CTTNBP2: variants seen among roughly 807,000 people sequenced by gnomAD.
CTTNBP2 encodes the protein cortactin-binding protein 2.
A neutral mutation model predicts 156.9 loss-of-function variants in CTTNBP2; 108 were observed. The ratio of observed to expected loss-of-function variants is 0.69; its 90% confidence interval spans 0.59 to 0.81. The LOEUF (loss-of-function observed/expected upper bound fraction) is 0.81, where lower values mean the gene tolerates loss of function less well. Ranked by LOEUF, CTTNBP2 falls within the 30% of genes least tolerant of loss-of-function variation. CTTNBP2 has a pLI of 0.00. For missense variants in CTTNBP2, 1,924 were observed against 2,035.4 expected (o/e 0.95, Z 1.05); for synonymous variants, 767 against 751.8 (o/e 1.02, Z -0.33).
At chr7:117,746,323 A>AT (rs374479321) in intron 12 of CTTNBP2, among the ~76,000 whole-genome samples, 2,521 of 152,178 alleles carry the variant, frequency 0.017, 24 homozygotes, top group South Asian at 0.033. Context: ...AAAAAAACAC[A>AT]TTTTTTCCCT....
chr7:117,732,161 T>C (rs1349681905), intron 16 of CTTNBP2, among the ~76,000 whole-genome samples: 1 of 152,138 alleles, frequency 6.6e-6, no homozygotes, highest in Admixed American at 6.5e-5. Context: ...CACCAAAATG[T>C]ACAGAGCTCT....
At chr7:117,795,189 C>G (rs1799251810) in intron 3 of CTTNBP2, among the ~76,000 whole-genome samples, 1 of 151,922 alleles carries the variant, frequency 6.6e-6, no homozygotes, top group African/African-American at 2.4e-5. Context: ...ACGACCGCGC[C>G]CGGCCTACTG....
At chr7:117,781,887 C>T (rs1798455930) in intron 6 of CTTNBP2, among the ~76,000 whole-genome samples, 1 of 152,168 alleles carries the variant, frequency 6.6e-6, no homozygotes, top group African/African-American at 2.4e-5. Context: ...AAGCACAGCT[C>T]AGGAGAAATT....
chr7:117,785,292 C>A (rs576542316), intron 4 of CTTNBP2, among the ~76,000 whole-genome samples: 4 of 152,100 alleles, frequency 2.6e-5, no homozygotes, highest in African/African-American at 7.2e-5. Context: ...TGTGTGAAAT[C>A]GGCTGCATAT....
intron 16 of CTTNBP2, 95 bp downstream of exon 16, chr7:117,734,818 C>T: frequency 1.1e-6 from 1 of 946,800 alleles, no homozygotes; most frequent in Non-Finnish European, 1.5e-6. Flanking sequence ...CTGCCCAAGG[C>T]TGCATAGTTA....
At chr7:117,825,629 TG>T (rs1325940072) in intron 2 of CTTNBP2, among the ~76,000 whole-genome samples, 1 of 152,070 alleles carries the variant, frequency 6.6e-6, no homozygotes, top group Non-Finnish European at 1.5e-5. Flanking sequence ...AAACTGGATT[TG>T]GATATAGAAT....
At chr7:117,786,313 A>T in intron 4 of CTTNBP2, 1 of 330,142 alleles carries the variant, frequency 3.0e-6, no homozygotes, top group Non-Finnish European at 6.1e-6. Context: ...ATATTTATCT[A>T]AACTTTATGA....
intron 20 of CTTNBP2, among the ~76,000 whole-genome samples, chr7:117,720,139 C>T (rs1794699026): frequency 1.3e-5 from 2 of 152,206 alleles, no homozygotes; most frequent in South Asian, 4.2e-4. Context: ...GATCTAGCTG[C>T]GGTCCTGGCA....
chr7:117,717,457 C>T (rs185695652), intron 22 of CTTNBP2, among the ~76,000 whole-genome samples: 30 of 151,680 alleles, frequency 2.0e-4, no homozygotes, highest in African/African-American at 5.3e-4. Context: ...TTAGTACCCC[C>T]GCATCCACAA....
chr7:117,835,434 C>T (rs999376591), intron 2 of CTTNBP2, among the ~76,000 whole-genome samples: 2 of 152,190 alleles, frequency 1.3e-5, no homozygotes, highest in African/African-American at 4.8e-5. Flanking sequence ...ATCACAGCAG[C>T]CAAACTTCAG....
At chr7:117,713,275 C>T (rs970043544) in intron 22 of CTTNBP2, among the ~76,000 whole-genome samples, 1 of 152,172 alleles carries the variant, frequency 6.6e-6, no homozygotes, top group African/African-American at 2.4e-5. Flanking sequence ...TAATCTTTCC[C>T]TTCAGAGTAT....
rs780731601 is a variant in CTTNBP2 at position 117,735,087 on chromosome 7, G to A, written c.3702C>T (p.Ser1234=). 39 of 1,612,860 alleles carry A rather than the reference G, an allele frequency of 2.4e-5. No homozygotes were observed. The highest frequency in any genetic ancestry group is 7.7e-5 in the South Asian group (7 of 90,956). The change falls in exon 16 of 23, where the codon TCC becomes TCT. Residue 1234 remains serine, a synonymous_variant. Coordinates refer to ENST00000160373, the MANE Select transcript of CTTNBP2 (RefSeq NM_033427.3). The part of the protein sequence containing the change: ...PCTFQKGNGL[S]ECYYFHENCF... Reference sequence around the variant, plus strand: ...AGTTCTCATGAAAGTAATAACATTCGGACAGTCCATTTCCTGAAACAAACC... The same window carrying A: ...AGTTCTCATGAAAGTAATAACATTCAGACAGTCCATTTCCTGAAACAAACC...
intron 8 of CTTNBP2, among the ~76,000 whole-genome samples, chr7:117,771,065 G>T (rs1301163210): frequency 6.6e-6 from 1 of 152,170 alleles, no homozygotes; most frequent in Non-Finnish European, 1.5e-5. Context: ...CTGCAATGGG[G>T]ACTGGAGAAT....
intron 2 of CTTNBP2, among the ~76,000 whole-genome samples, chr7:117,854,274 A>G (rs532389979): frequency 6.6e-5 from 10 of 152,238 alleles, no homozygotes; most frequent in Non-Finnish European, 1.3e-4. Context: ...CAAAAAGGGT[A>G]TGTTTTGGTC....
At chr7:117,846,603 TATA>T (rs1437787039) in intron 2 of CTTNBP2, among the ~76,000 whole-genome samples, 1 of 152,098 alleles carries the variant, frequency 6.6e-6, no homozygotes, top group Non-Finnish European at 1.5e-5. Context: ...TAAAATATCA[TATA>T]ATGCTATTTA....
At chr7:117,771,774 G>C (rs964660504) in intron 8 of CTTNBP2, among the ~76,000 whole-genome samples, 35 of 152,332 alleles carry the variant, frequency 2.3e-4, no homozygotes, top group African/African-American at 7.9e-4. Flanking sequence ...AGGAGATGGA[G>C]AGGCAGAGAA....
intron 2 of CTTNBP2, among the ~76,000 whole-genome samples, chr7:117,854,853 T>C (rs1803183075): frequency 6.6e-6 from 1 of 152,136 alleles, no homozygotes; most frequent in South Asian, 2.1e-4. Flanking sequence ...GGCTTGATCT[T>C]GGTTCACTGC....
intron 12 of CTTNBP2, among the ~76,000 whole-genome samples, chr7:117,756,071 C>A (rs545362598): frequency 2.0e-5 from 3 of 152,340 alleles, no homozygotes; most frequent in African/African-American, 7.2e-5. Flanking sequence ...GGCCTCTCAC[C>A]TGCTGGGACT....
chr7:117,861,455 C>A (rs943949276), intron 1 of CTTNBP2, 139 bp from the exon 2 acceptor site: 7 of 619,328 alleles, frequency 1.1e-5, no homozygotes, highest in Admixed American at 1.1e-4. Flanking sequence ...TTGCAGCAGA[C>A]AATTTACGCC....
Sources: allele counts gnomAD v4.1 joint callset (sites outside exome capture counted in the v4.1 genomes callset), GRCh38; gene constraint gnomAD v4.1.1; transcripts MANE v1.5; gene names NCBI Gene and HGNC (gene_info 2026-07-23, HGNC 2026-07-21).